The following HOMER2 variants were observed in gnomAD, a reference collection of about 807,000 sequenced individuals.
The protein encoded by HOMER2 is homer scaffold protein 2, also known as homer protein homolog 2.
Under a neutral mutation model 47.0 loss-of-function variants are expected in HOMER2, and 27 were observed. The ratio of observed to expected loss-of-function variants is 0.57; its 90% CI spans 0.42 to 0.79. The LOEUF (loss-of-function observed/expected upper bound fraction) is 0.79. Ranked by LOEUF, HOMER2 falls within the 30% of genes least tolerant of loss-of-function variation. HOMER2 has a pLI of 0.00. For synonymous variants in HOMER2, 161 were observed against 163.8 expected, an observed-to-expected ratio of 0.98 and a Z score of 0.13; for missense variants, 443 against 435.0, an observed-to-expected ratio of 1.02 and a Z score of -0.16.
chr15:82,985,873 G>A (rs75699828), upstream of HOMER2: 4,236 of 159,342 alleles, frequency 0.027, 202 homozygotes, highest in African/African-American at 0.097. Context: ...CTCACCTCAC[G>A]TTCCCCACGA....
rs931372709 is a variant in HOMER2 at position 82,975,055 on chromosome 15, G to C, written n.82+10732C>G. ...ACTGCACTCCAGCCTGGGCAACAGAGAGACTGTCTCAAAAAGAAAAAAAAG... is the reference window on the plus strand; with the variant it reads ...ACTGCACTCCAGCCTGGGCAACAGACAGACTGTCTCAAAAAGAAAAAAAAG... On this transcript the variant is annotated intron_variant and non_coding_transcript_variant, in intron 1 of 1. Transcript: ENST00000500334. 5.1e-4 allele frequency among the ~76,000 whole-genome samples: 77 copies of C among 152,108 alleles called. 1 individual carries two copies. The highest frequency in any genetic ancestry group is 1.7e-3 in the African/African-American group (70 of 41,412).
At chr15:82,984,155 C>T (rs1161265083) in intron 1 of HOMER2, among the ~76,000 whole-genome samples, 1 of 151,904 alleles carries the variant, frequency 6.6e-6, no homozygotes, top group African/African-American at 2.4e-5. Context: ...GCCTCAGCCT[C>T]CCGAGTAGCT....
chr15:82,900,255 T>G (rs2053070609), intron 1 of HOMER2, among the ~76,000 whole-genome samples: 1 of 152,078 alleles, frequency 6.6e-6, no homozygotes, highest in South Asian at 2.1e-4. Context: ...GCCTATGAAT[T>G]TCTAATGCAT....
intron 1 of HOMER2, among the ~76,000 whole-genome samples, chr15:82,894,198 A>T (rs939237530): frequency 1.9e-4 from 29 of 152,324 alleles, no homozygotes; most frequent in African/African-American, 6.7e-4. Context: ...TGAGTGGGGA[A>T]TTAGATTTTG....
chr15:82,928,939 C>CAAAAAAAAAAAAAAAA (rs1596362215), intron 1 of HOMER2, among the ~76,000 whole-genome samples: 2 of 18,690 alleles, frequency 1.1e-4, no homozygotes, highest in East Asian at 1.1e-3. Context: ...AAAATAAAAA[C>CAAAAAAAAAAAAAAAA]TAAAAAAAAA....
In HOMER2 at chr15:82,948,326, G is replaced by C. The variant is rs62011741; in HGVS notation, c.5+4205C>G. On this transcript the variant is annotated intron_variant, in intron 1 of 8. Coordinates refer to ENST00000450735, the MANE Select transcript of HOMER2 (RefSeq NM_004839.4). ...GAATGGCGTGAACCCGGGAGGCGGA[G>C]CTTGCAGTGAGCCAAGATCGCGCCA... Among the ~76,000 whole-genome samples the C allele has an allele frequency of 2.4e-3, 364 of 149,228 alleles. 1 individual carries two copies. The highest frequency in any genetic ancestry group is 4.3e-3 in the Non-Finnish European group (293 of 67,810).
chr15:82,858,955 T>TG, intron 5 of HOMER2, 74 bp downstream of exon 5: 2 of 1,517,698 alleles, frequency 1.3e-6, no homozygotes, highest in Non-Finnish European at 1.8e-6. Context: ...CCTGAAACCC[T>TG]GTCCAGCAAG....
At chr15:82,892,866 A>C in intron 1 of HOMER2, 25 bp from the exon 2 acceptor site, 1 of 1,484,984 alleles carries the variant, frequency 6.7e-7, no homozygotes, top group Non-Finnish European at 9.1e-7. Context: ...TGGGCGTGTG[A>C]GTTGAGAGAA....
intron 4 of HOMER2, 167 bp from the exon 5 acceptor site, chr15:82,859,302 T>G: frequency 4.9e-6 from 4 of 809,056 alleles, no homozygotes; most frequent in East Asian, 5.6e-5. Flanking sequence ...TAACAAGTTT[T>G]TGTTTTTTTT....
intron 1 of HOMER2, among the ~76,000 whole-genome samples, chr15:82,982,650 T>C (rs1012914322): frequency 1.3e-5 from 2 of 152,220 alleles, no homozygotes; most frequent in Admixed American, 1.3e-4. Flanking sequence ...TTGTATTTTG[T>C]ATTTGGGGAT....
rs114301152 is a variant in HOMER2 at position 82,882,618 on chromosome 15, C to A, written c.163-7214G>T. Among the ~76,000 whole-genome samples, 1,478 of 152,352 alleles carry A rather than the reference C, an allele frequency of 9.7e-3. 20 individuals are homozygous for A. Among genetic ancestry groups the A allele is most frequent in the African/African-American group, 0.031 (1,273 of 41,584 alleles). Reference sequence around the variant, plus strand: ...ATAAAGAACAGGTCTGAGTACAGATCTTCCTGAGATGAGTAGCACCAACTG... The same window carrying A: ...ATAAAGAACAGGTCTGAGTACAGATATTCCTGAGATGAGTAGCACCAACTG... On this transcript the variant is annotated intron_variant, in intron 2 of 8. Transcript: ENST00000450735.
At chr15:82,845,330 A>T (rs1035134925), downstream of HOMER2, 5 of 145,220 alleles carry the variant, frequency 3.4e-5, no homozygotes, top group African/African-American at 7.7e-5. Flanking sequence ...TACCAAAGCC[A>T]CCTTCCTGCC....
At chr15:82,976,547 C>T (rs1297254983) in intron 1 of HOMER2, among the ~76,000 whole-genome samples, 1 of 152,016 alleles carries the variant, frequency 6.6e-6, no homozygotes, top group African/African-American at 2.4e-5. Flanking sequence ...GATCCACCCG[C>T]CTCGGCTTCC....
At chr15:82,857,487 G>A (rs532294511) in intron 5 of HOMER2, among the ~76,000 whole-genome samples, 18 of 145,312 alleles carry the variant, frequency 1.2e-4, no homozygotes, top group African/African-American at 4.1e-4. Context: ...CTGGAGTGCA[G>A]TGGCGTGATC....
intron 2 of HOMER2, among the ~76,000 whole-genome samples, chr15:82,889,950 T>C (rs541042410): frequency 6.6e-6 from 1 of 152,304 alleles, no homozygotes; most frequent in South Asian, 2.1e-4. Flanking sequence ...AGGTCCACCC[T>C]ACTCCCCACT....
intron 5 of HOMER2, among the ~76,000 whole-genome samples, chr15:82,856,054 A>C (rs1215357101): frequency 1.3e-5 from 2 of 152,180 alleles, no homozygotes; most frequent in South Asian, 2.1e-4. Context: ...GATCTGTGTT[A>C]TCTTTTATCC....
intron 1 of HOMER2, among the ~76,000 whole-genome samples, chr15:82,900,384 G>A (rs553752454): frequency 1.3e-5 from 2 of 152,168 alleles, no homozygotes; most frequent in South Asian, 4.2e-4. Context: ...ATTCTTAAAT[G>A]GGAAAGCCAA....
rs1484384268 is a variant in HOMER2 at position 82,960,820 on chromosome 15, T to TG, written n.83-1513dup. On this transcript the variant is annotated intron_variant and non_coding_transcript_variant, in intron 1 of 1. Coordinates refer to the HOMER2 transcript ENST00000500334. ...TGGTTCCTAGAATCTTTGCTTCAGC[T>TG]GATCCACCAGTTGCTCTATGTGAGG... is the stretch of plus-strand genomic sequence containing the variant. Among the ~76,000 whole-genome samples, 6 of 152,196 alleles carry TG rather than the reference T, an allele frequency of 3.9e-5. No homozygotes were observed. In the East Asian group the frequency reaches 1.2e-3, roughly 29 times the overall value.
At chr15:82,932,870 G>T (rs1398593441) in intron 1 of HOMER2, among the ~76,000 whole-genome samples, 1 of 152,114 alleles carries the variant, frequency 6.6e-6, no homozygotes, top group East Asian at 1.9e-4. Flanking sequence ...TGTGAGAGGT[G>T]CTCTTAGGCT....
Sources: gnomAD v4.1 joint callset for allele counts (sites outside exome capture counted in the v4.1 genomes callset) on GRCh38, gnomAD v4.1.1 for gene constraint, MANE v1.5 for transcripts, NCBI Gene and HGNC (gene_info 2026-07-23, HGNC 2026-07-21) for gene names.